PLEKHH2: variants seen among roughly 807,000 people sequenced by gnomAD.
PLEKHH2 encodes pleckstrin homology, MyTH4 and FERM domain containing H2.
Under a neutral mutation model 187.9 loss-of-function variants are expected in PLEKHH2, and 129 were observed. That is an observed-to-expected ratio of 0.69 (90% confidence interval 0.59 to 0.79). PLEKHH2 has a LOEUF of 0.79. Among genes scored for constraint, PLEKHH2 ranks in the 30% least tolerant of loss-of-function variants. PLEKHH2 has a pLI of 0.00. For missense variants in PLEKHH2, 2,076 were observed against 1,751.2 expected, an observed-to-expected ratio of 1.19 and a Z score of -3.31; for synonymous variants, 686 against 605.6, an observed-to-expected ratio of 1.13 and a Z score of -1.95.
At chr2:43,741,066 G>A in intron 21 of PLEKHH2, 23 bp downstream of exon 21, 3 of 1,581,140 alleles carry the variant, frequency 1.9e-6, no homozygotes, top group Non-Finnish European at 2.6e-6. Context: ...CTAGCCAGCT[G>A]AACTGTTTAT....
intron 2 of PLEKHH2, among the ~76,000 whole-genome samples, chr2:43,654,377 AG>A (rs1256371768): frequency 6.6e-6 from 1 of 151,668 alleles, no homozygotes; most frequent in Non-Finnish European, 1.5e-5. Context: ...TTGTATTTTT[AG>A]TAGAGATGAG....
rs780607711 is a variant in PLEKHH2 at position 43,742,818 on chromosome 2, G to A, written c.3299G>A (p.Arg1100Lys). Residue 1100 changes from arginine to lysine, a missense_variant, in exon 22 of 30, where the codon AGA (arginine) becomes AAA (lysine). By Grantham distance (26) the Arg-to-Lys change is conservative. Coordinates refer to ENST00000282406, the MANE Select transcript of PLEKHH2 (RefSeq NM_172069.4). The part of the protein sequence containing the change: ...RTQQNGDREA[R>K]PSRMEILSTL... Reference sequence around the variant, plus strand: ...CAACAAAATGGTGACAGAGAAGCAAGACCCTCAAGGATGGAAATTCTTTCA... The same window carrying A: ...CAACAAAATGGTGACAGAGAAGCAAAACCCTCAAGGATGGAAATTCTTTCA... 6.8e-6 allele frequency: 11 copies of A among 1,607,788 alleles called. No individual in the cohort carries two copies. Among genetic ancestry groups the A allele is most frequent in the Admixed American group, 5.1e-5 (3 of 58,674 alleles).
chr2:43,670,753 G>T (rs1667458708), intron 2 of PLEKHH2, among the ~76,000 whole-genome samples: 1 of 151,866 alleles, frequency 6.6e-6, no homozygotes, highest in East Asian at 1.9e-4. Flanking sequence ...GGAATCTATA[G>T]GTCAATTGGA....
intron 1 of PLEKHH2, among the ~76,000 whole-genome samples, chr2:43,637,702 G>A (rs923375813): frequency 3.3e-5 from 5 of 152,152 alleles, no homozygotes; most frequent in Admixed American, 1.3e-4. Flanking sequence ...GGCGCGGCGC[G>A]AGCGGTCCCG....
intron 8 of PLEKHH2, among the ~76,000 whole-genome samples, chr2:43,703,416 A>T (rs1007507066): frequency 6.6e-6 from 1 of 152,244 alleles, no homozygotes; most frequent in African/African-American, 2.4e-5. Flanking sequence ...GACTTTAGGT[A>T]TCTCTTCTAC....
intron 21 of PLEKHH2, among the ~76,000 whole-genome samples, chr2:43,742,087 A>C (rs1046647116): frequency 1.3e-5 from 2 of 151,590 alleles, no homozygotes; most frequent in Non-Finnish European, 2.9e-5. Context: ...TGCAACCTCC[A>C]CCTCCAAGGT....
In PLEKHH2 at chr2:43,699,785, C is replaced by A. The variant is rs1669262473; in HGVS notation, c.827C>A (p.Ser276Tyr). The A allele has an allele frequency of 6.2e-7, 1 of 1,614,140 alleles. No individual in the cohort carries two copies. Among genetic ancestry groups the A allele is most frequent in the Non-Finnish European group, 8.5e-7 (1 of 1,180,016 alleles). The change falls in exon 8 of 30, where the codon TCC (serine) becomes TAC (tyrosine). Residue 276 changes from serine to tyrosine, a missense_variant. By Grantham distance (144) the Ser-to-Tyr change is moderately radical (BLOSUM62 -2). Coordinates refer to ENST00000282406, the MANE Select transcript of PLEKHH2 (RefSeq NM_172069.4). ...RTSFATDGGI[S>Y]QNSGAPVSDW... ...AGCTTTGCCACAGATGGTGGCATCTCCCAGAATTCTGGGGCTCCTGTGAGT... is the reference window on the plus strand; with the variant it reads ...AGCTTTGCCACAGATGGTGGCATCTACCAGAATTCTGGGGCTCCTGTGAGT...
intron 6 of PLEKHH2, among the ~76,000 whole-genome samples, chr2:43,696,303 T>C (rs546977990): frequency 6.6e-6 from 1 of 152,046 alleles, no homozygotes; most frequent in African/African-American, 2.4e-5. Context: ...TGAGACCCCA[T>C]CGCTACAAAA....
At chr2:43,711,825 C>T (rs149821371) in intron 14 of PLEKHH2, 6 of 551,564 alleles carry the variant, frequency 1.1e-5, no homozygotes, top group South Asian at 6.1e-5. Context: ...ACCCAGGAGG[C>T]GGAGCTTGCA....
chr2:43,706,341 C>G lies in PLEKHH2; in HGVS notation c.1746C>G (p.Ser582=), dbSNP rs1213122108. Residue 582 remains serine (S), a synonymous_variant, in exon 10 of 30, where the codon TCC becomes TCG. Coordinates refer to ENST00000282406, the MANE Select transcript of PLEKHH2 (RefSeq NM_172069.4). The part of the protein sequence containing the change: ...SVNKNSAATL[S]YTTSGLYTSL... ...TTTCAGATTCTGCTGCAACCCTTTC[C>G]TATACTACATCAGGACTTTATACAT... 2 of 1,608,748 alleles carry G rather than the reference C, an allele frequency of 1.2e-6. No homozygotes were observed. Among genetic ancestry groups the G allele is most frequent in the South Asian group, 1.1e-5 (1 of 90,774 alleles).
chr2:43,764,305 C>T lies in PLEKHH2; in HGVS notation c.4236C>T (p.Asn1412=), dbSNP rs759218774. Residue 1412 remains asparagine (N), a synonymous_variant, in exon 29 of 30, where the codon AAC becomes AAT. Coordinates refer to ENST00000282406, the MANE Select transcript of PLEKHH2 (RefSeq NM_172069.4). ...AAGATGATTTTATGGTAGTCATTAA[C>T]AATACACATTCAAAGGACAAACCAA... The part of the protein sequence containing the change: ...GYQDDFMVVI[N]NTHSKDKPTE... The T allele has an allele frequency of 1.9e-5, 31 of 1,607,868 alleles. No homozygotes were observed. The highest frequency in any genetic ancestry group is 2.6e-5 in the Non-Finnish European group (31 of 1,176,042).
intron 17 of PLEKHH2, among the ~76,000 whole-genome samples, chr2:43,727,019 G>C (rs1310719493): frequency 6.6e-6 from 1 of 152,068 alleles, no homozygotes; most frequent in Non-Finnish European, 1.5e-5. Flanking sequence ...CATACAGATA[G>C]CAAAATAATT....
chr2:43,754,181 C>A (rs1418438107), intron 25 of PLEKHH2, among the ~76,000 whole-genome samples: 3 of 125,058 alleles, frequency 2.4e-5, no homozygotes, highest in Non-Finnish European at 3.2e-5. Flanking sequence ...CACACACACA[C>A]ACACACACAC....
At chr2:43,713,775 C>G (rs1483925882) in intron 15 of PLEKHH2, among the ~76,000 whole-genome samples, 1 of 151,538 alleles carries the variant, frequency 6.6e-6, no homozygotes, top group Admixed American at 6.6e-5. Flanking sequence ...CACATAATCA[C>G]TCCTCATTCA....
chr2:43,726,133 A>AG (rs1338102328), intron 16 of PLEKHH2, 139 bp from the exon 17 acceptor site: 6 of 669,538 alleles, frequency 9.0e-6, no homozygotes, highest in Non-Finnish European at 1.4e-5. Flanking sequence ...TCAAAAAAAA[A>AG]AAAAAAAGGA....
intron 2 of PLEKHH2, among the ~76,000 whole-genome samples, chr2:43,677,625 G>A (rs375564140): frequency 0.022 from 3,409 of 151,808 alleles, 50 homozygotes; most frequent in South Asian, 0.059. Context: ...GCAACCATCC[G>A]ATTTCTCAAT....
At chr2:43,765,341 C>A in intron 29 of PLEKHH2, 72 bp from the exon 30 acceptor site, 1 of 1,475,894 alleles carries the variant, frequency 6.8e-7, no homozygotes, top group Non-Finnish European at 9.3e-7. Flanking sequence ...CACCTGTGGC[C>A]AACACTTTAC....
intron 2 of PLEKHH2, among the ~76,000 whole-genome samples, chr2:43,652,699 T>C (rs1666548211): frequency 6.6e-6 from 1 of 152,224 alleles, no homozygotes; most frequent in African/African-American, 2.4e-5. Flanking sequence ...TCTAGTCAGC[T>C]TTTTAGTCCT....
rs780882019 is a variant in PLEKHH2, at chr2:43,699,786, C to T, written c.828C>T (p.Ser276=). The T allele has an allele frequency of 1.9e-6, 3 of 1,613,964 alleles. No homozygotes were observed. Among genetic ancestry groups the T allele is most frequent in the African/African-American group, 1.3e-5 (1 of 74,890 alleles). ...GCTTTGCCACAGATGGTGGCATCTC[C>T]CAGAATTCTGGGGCTCCTGTGAGTG... ...RTSFATDGGI[S]QNSGAPVSDW... is the part of the protein sequence containing the mutation. The change falls in exon 8 of 30, where the codon TCC becomes TCT. Residue 276 remains serine (S), a synonymous_variant. Transcript: ENST00000282406.
Sources: allele counts gnomAD v4.1 joint callset (sites outside exome capture counted in the v4.1 genomes callset), GRCh38; gene constraint gnomAD v4.1.1; transcripts MANE v1.5; gene names NCBI Gene and HGNC (gene_info 2026-07-23, HGNC 2026-07-21).